The following CES3 variants were observed in gnomAD, a reference collection of about 807,000 sequenced individuals.
CES3 encodes carboxylesterase 3, also known as carboxylesterase 3 (brain).
A neutral mutation model predicts 57.6 loss-of-function variants in CES3; 49 were observed. That is an observed-to-expected ratio of 0.85 (90% confidence interval 0.68 to 1.08). The LOEUF (loss-of-function observed/expected upper bound fraction) is 1.08. Ranked by LOEUF, CES3 falls within the 50% of genes least tolerant of loss-of-function variation. The pLI is 0.00. For synonymous variants in CES3, 266 were observed against 281.6 expected, an observed-to-expected ratio of 0.94 and a Z score of 0.55; for missense variants, 645 against 742.0, an observed-to-expected ratio of 0.87 and a Z score of 1.52.
rs1056512600 is a variant in CES3 at position 66,974,338 on chromosome 16, C to G, written c.*1289C>G. ...AGCGCTTGCGGGCCAGAGTGAGTTC[C>G]GGGTGGGCGTGGGCTCGGCGGGGCC... On this transcript the variant is annotated 3_prime_UTR_variant, in exon 13 of 13. Transcript: ENST00000303334. 2 of 152,252 alleles carry G rather than the reference C, an allele frequency of 1.3e-5. No homozygotes were observed. The highest frequency in any genetic ancestry group is 2.9e-5 in the Non-Finnish European group (2 of 68,064). 9.4% of individuals were successfully genotyped at this position (152,252 alleles called of 1,614,324 possible). A position where few individuals can be genotyped will look rare whatever the true frequency, so the allele number is the denominator to read the frequency against.
rs747839945 is a variant in CES3, at chr16:66,963,183, C to T, written c.87C>T (p.Pro29=). The change falls in exon 2 of 13, where the codon CCC becomes CCT. Residue 29 remains proline, a synonymous_variant. Transcript: ENST00000303334. This position sits in a 1 kb window ranked among gnomAD's most constrained non-coding sequence, Gnocchi z 4.9. ...GCCTTTCTGTCCTTCCCTCAGGGCC[C>T]GAAGTTGCTCAGCCTGAAGTAGACA... ...LLACPATATG[P]EVAQPEVDTT... is the part of the protein sequence containing the mutation. 9.3e-6 allele frequency: 15 copies of T among 1,614,118 alleles called. No individual in the cohort carries two copies. The highest frequency in any genetic ancestry group is 8.0e-5 in the African/African-American group (6 of 74,938).
chr16:66,966,269 G>A lies in CES3; in HGVS notation c.845G>A (p.Ser282Asn), dbSNP rs1371819102. The change falls in exon 7 of 13, where the codon AGC (serine) becomes AAC (asparagine). Residue 282 changes from serine (S) to asparagine (N), a missense_variant. Coordinates refer to ENST00000303334, the MANE Select transcript of CES3 (RefSeq NM_024922.6). The part of the protein sequence containing the change: ...AQKIANTLAC[S>N]SSSPAEMVQC... ...AAAATCGCAAACACCTTGGCCTGCA[G>A]CTCCAGCTCCCCGGCTGAGATGGTG... 1.9e-6 allele frequency: 3 copies of A among 1,613,560 alleles called. No individual in the cohort carries two copies. The highest frequency in any genetic ancestry group is 2.5e-6 in the Non-Finnish European group (3 of 1,180,010).
intron 10 of CES3, among the ~76,000 whole-genome samples, 188 bp downstream of exon 10, chr16:66,971,507 G>A (rs1324278626): frequency 6.6e-6 from 1 of 152,148 alleles, no homozygotes; most frequent in African/African-American, 2.4e-5. Context: ...TCTCCAGCAG[G>A]AAACTATGCA....
chr16:66,968,635 C>T (rs72796179), intron 8 of CES3, among the ~76,000 whole-genome samples: 5,864 of 152,078 alleles, frequency 0.039, 151 homozygotes, highest in Non-Finnish European at 0.055. Context: ...AAGCTTAAGC[C>T]GGGTGCGGTG....
chr16:66,975,088 C>A lies in CES3; in HGVS notation c.*2039C>A, dbSNP rs1399086827. ...CCAGCAGTGACAACCCCCCTCGGGT[C>A]CCCTCCCACGCCGTGGAAGCTTTGT... is the stretch of plus-strand genomic sequence containing the variant. On this transcript the variant is annotated 3_prime_UTR_variant, in exon 13 of 13. Coordinates refer to ENST00000303334, the MANE Select transcript of CES3 (RefSeq NM_024922.6). 6.6e-6 allele frequency: 1 copy of A among 152,254 alleles called. No homozygotes were observed. The highest frequency in any genetic ancestry group is 1.9e-4 in the East Asian group (1 of 5,196). 9.4% of individuals were successfully genotyped at this position (152,254 alleles called of 1,614,324 possible).
rs1042347740 is a variant in CES3 at position 66,961,752 on chromosome 16, T to C, written c.82+363T>C. Among the ~76,000 whole-genome samples, 83 of 152,092 alleles carry C rather than the reference T, an allele frequency of 5.5e-4. 1 individual carries two copies. Among genetic ancestry groups the C allele is most frequent in the African/African-American group, 1.9e-3 (78 of 41,486 alleles). On this transcript the variant is annotated intron_variant, in intron 1 of 12. Transcript: ENST00000303334. ...CTAATTTTTGTATTTTTAGGAGAGA[T>C]GGGGTTTCACCATGTGGGCCAGGCT...
Position 66,963,565 on chromosome 16 carries a change from C to G in CES3, c.362C>G (p.Ser121Ter), listed in dbSNP as rs969313586. 1 of 1,614,216 alleles carries G rather than the reference C, an allele frequency of 6.2e-7. No homozygotes were observed. The highest frequency in any genetic ancestry group is 1.3e-5 in the African/African-American group (1 of 75,066). ...GGAAAACAGCAGATCTTCTCCGTTT[C>G]AGAGGACTGCCTGGTCCTCAACGTC... The part of the protein sequence containing the change: ...LNGKQQIFSV[S>*]EDCLVLNVYS... Residue 121 changes from serine (S) to a stop codon, truncating the protein, a stop_gained, in exon 3 of 13, where the codon TCA becomes TGA. Transcript: ENST00000303334. LOFTEE classifies it high-confidence loss of function. The surrounding 1 kb of genome is among the most constrained non-coding windows in gnomAD (Gnocchi z 4.9).
intron 8 of CES3, among the ~76,000 whole-genome samples, chr16:66,969,464 G>A (rs1312341786): frequency 6.6e-6 from 1 of 152,306 alleles, no homozygotes; most frequent in East Asian, 1.9e-4. Flanking sequence ...CCACTTGCCT[G>A]TTGTATTTGG....
At chr16:66,970,085 G>C (rs928841927) in intron 9 of CES3, among the ~76,000 whole-genome samples, 1 of 149,482 alleles carries the variant, frequency 6.7e-6, no homozygotes, top group Non-Finnish European at 1.5e-5. Flanking sequence ...CTGCAACTCT[G>C]TTTTCTTTTC....
Position 66,969,772 on chromosome 16 carries a change from G to A in CES3, c.1143+13G>A. On this transcript the variant is annotated intron_variant, in intron 9 of 12. Coordinates refer to ENST00000303334, the MANE Select transcript of CES3 (RefSeq NM_024922.6). ...CTTGACCAGTCTGGTGAGACAAGAG[G>A]CAGGAGGGAGGAAGCTAGGGCAGGA... The A allele has an allele frequency of 6.2e-7, 1 of 1,606,990 alleles. No individual in the cohort carries two copies. The highest frequency in any genetic ancestry group is 8.5e-7 in the Non-Finnish European group (1 of 1,176,424).
intron 8 of CES3, among the ~76,000 whole-genome samples, chr16:66,968,971 C>A (rs1023688851): frequency 6.6e-6 from 1 of 152,272 alleles, no homozygotes; most frequent in East Asian, 1.9e-4. Flanking sequence ...TGGCAGGCAG[C>A]CTTTACCCCA....
At position 66,973,890 on chromosome 16, in the gene CES3, C is replaced by A. The variant is rs1444788267; in HGVS notation, c.*841C>A. The A allele has an allele frequency of 3.3e-5, 5 of 152,500 alleles. No individual in the cohort carries two copies. The highest frequency in any genetic ancestry group is 4.8e-5 in the African/African-American group (2 of 41,436). The allele number at this position is 152,500 out of a possible 1,614,324, so 9.4% of individuals were successfully genotyped here. ...CAGGACGCTGGATGCCAGCTCCCAG[C>A]CCCAGTGCCGGGTCCTCCCTCCCTT... On this transcript the variant is annotated 3_prime_UTR_variant, in exon 13 of 13. Coordinates refer to ENST00000303334, the MANE Select transcript of CES3 (RefSeq NM_024922.6).
Position 66,963,092 on chromosome 16 carries a change from C to T in CES3, c.83-87C>T, listed in dbSNP as rs775319086. Reference sequence around the variant, plus strand: ...TTACCAAGATGCTGTGTGGTAAGTACTGAGAACAGCCTGAGGGTTTGTCTT... The same window carrying T: ...TTACCAAGATGCTGTGTGGTAAGTATTGAGAACAGCCTGAGGGTTTGTCTT... On this transcript the variant is annotated intron_variant, in intron 1 of 12. Coordinates refer to ENST00000303334, the MANE Select transcript of CES3 (RefSeq NM_024922.6). This position sits in a 1 kb window ranked among gnomAD's most constrained non-coding sequence, Gnocchi z 4.9. The T allele has an allele frequency of 5.0e-6, 7 of 1,401,424 alleles. No individual in the cohort carries two copies. Among genetic ancestry groups the T allele is most frequent in the Non-Finnish European group, 7.0e-6 (7 of 994,064 alleles). The allele number at this position is 1,401,424 out of a possible 1,614,324, so 86.8% of individuals were successfully genotyped here. A position where few individuals can be genotyped will look rare whatever the true frequency, so the allele number is the denominator to read the frequency against.
intron 8 of CES3, among the ~76,000 whole-genome samples, chr16:66,969,038 C>T (rs777377344): frequency 9.2e-5 from 14 of 152,218 alleles, no homozygotes; most frequent in Non-Finnish European, 2.1e-4. Flanking sequence ...CTGGCTGTGC[C>T]CCAGGACCTG....
At chr16:66,970,848 C>T (rs1963820093) in intron 9 of CES3, among the ~76,000 whole-genome samples, 1 of 152,172 alleles carries the variant, frequency 6.6e-6, no homozygotes, top group Admixed American at 6.5e-5. Context: ...CACTTACTTC[C>T]CAGTTAACTT....
intron 8 of CES3, among the ~76,000 whole-genome samples, chr16:66,967,069 TTC>T (rs1491066979): frequency 1.3e-5 from 2 of 149,630 alleles, no homozygotes; most frequent in Non-Finnish European, 2.9e-5. Flanking sequence ...GCTTTTTTTT[TTC>T]TGTTTTTGTT....
rs373273879 is a variant in CES3, at chr16:66,963,892, G to A, written c.517G>A (p.Val173Met). 183 of 1,614,060 alleles carry A rather than the reference G, an allele frequency of 1.1e-4. No individual in the cohort carries two copies. In the East Asian group the frequency reaches 2.4e-3, roughly 21 times the overall value. The change falls in exon 4 of 13, where the codon GTG becomes ATG. Residue 173 changes from valine to methionine, a missense_variant. Transcript: ENST00000303334. The surrounding 1 kb of genome is among the most constrained non-coding windows in gnomAD (Gnocchi z 4.9). ...TCTGGCTGCCTATGGGGATGTGGTC[G>A]TGGTTACAGTCCAGTACCGCCTTGG... The part of the protein sequence containing the change: ...SALAAYGDVV[V>M]VTVQYRLGVL...
Position 66,971,116 on chromosome 16 carries a change from A to T in CES3, c.1144-56A>T, listed in dbSNP as rs889695434. 39 of 1,549,918 alleles carry T rather than the reference A, an allele frequency of 2.5e-5. No individual in the cohort carries two copies. The African/African-American group carries it at 4.8e-4, about 19-fold the overall frequency. ...GCTGGAGAGTTTGGGGCTTCCTGGG[A>T]TGGTCTGCCACATCTGTGCACCCTG... On this transcript the variant is annotated intron_variant, in intron 9 of 12. Coordinates refer to ENST00000303334, the MANE Select transcript of CES3 (RefSeq NM_024922.6).
intron 9 of CES3, among the ~76,000 whole-genome samples, chr16:66,970,283 G>C (rs1963810884): frequency 6.6e-6 from 1 of 151,848 alleles, no homozygotes; most frequent in South Asian, 2.1e-4. Flanking sequence ...TAATTTTTGT[G>C]TTTTAGTAGA....
Sources: allele counts gnomAD v4.1 joint callset (sites outside exome capture counted in the v4.1 genomes callset), GRCh38; gene constraint gnomAD v4.1.1; non-coding constraint Gnocchi (gnomAD v3.1); transcripts MANE v1.5; gene names NCBI Gene and HGNC (gene_info 2026-07-23, HGNC 2026-07-21).